Variants in CDKAL1 observed in about 807,000 individuals in gnomAD.
CDKAL1 encodes threonylcarbamoyladenosine tRNA methylthiotransferase.
Under a neutral mutation model 68.2 loss-of-function variants are expected in CDKAL1, and 32 were observed. That is an observed-to-expected ratio of 0.47 (90% CI 0.35 to 0.63). CDKAL1 has a LOEUF of 0.63. Ranked by LOEUF, CDKAL1 falls within the 30% of genes least tolerant of loss-of-function variation. The pLI, the probability that CDKAL1 is intolerant of heterozygous loss-of-function variation, is 0.00. For synonymous variants in CDKAL1, 234 were observed against 244.3 expected, an observed-to-expected ratio of 0.96 and a Z score of 0.39; for missense variants, 606 against 696.7, an observed-to-expected ratio of 0.87 and a Z score of 1.47.
At chr6:21,099,412 A>G (rs972837522) in intron 12 of CDKAL1, among the ~76,000 whole-genome samples, 1 of 152,170 alleles carries the variant, frequency 6.6e-6, no homozygotes, top group African/African-American at 2.4e-5. Flanking sequence ...CATGCCACAA[A>G]TATTCTTGTG....
intron 5 of CDKAL1, among the ~76,000 whole-genome samples, chr6:20,674,550 T>C (rs1460996160): frequency 1.3e-5 from 2 of 152,230 alleles, no homozygotes; most frequent in Admixed American, 6.5e-5. Context: ...ATTAGTTTAT[T>C]CATCACCTCA....
intron 4 of CDKAL1, among the ~76,000 whole-genome samples, chr6:20,596,142 G>A (rs750024344): frequency 6.6e-6 from 1 of 152,204 alleles, no homozygotes; most frequent in African/African-American, 2.4e-5. Flanking sequence ...CGAGGATCAG[G>A]GACCCACTTG....
intron 9 of CDKAL1, among the ~76,000 whole-genome samples, chr6:20,890,390 G>A (rs767026447): frequency 1.2e-4 from 19 of 152,168 alleles, no homozygotes; most frequent in African/African-American, 1.7e-4. Flanking sequence ...ATCAGCACCC[G>A]GATTGGAACA....
Position 20,992,039 on chromosome 6 carries a change from T to TC in CDKAL1, c.910-8188_910-8187insC, listed in dbSNP as rs1442494069. ...ACCTTTTTTTTTCTTTTCTTTTTTT[T>TC]TTTTTTTTTTTTTTGAGATACTCTA... is the stretch of plus-strand genomic sequence containing the variant. On this transcript the variant is annotated intron_variant, in intron 10 of 15. Coordinates refer to ENST00000274695, the MANE Select transcript of CDKAL1 (RefSeq NM_017774.3). 3.6e-5 allele frequency among the ~76,000 whole-genome samples: 5 copies of TC among 138,766 alleles called. 1 individual carries two copies. The Admixed American group carries it at 3.7e-4, about 10-fold the overall frequency. The allele number at this position is 138,766 out of a possible 152,430, so 91.0% of individuals were successfully genotyped here.
At chr6:20,638,364 T>A (rs572565627) in intron 4 of CDKAL1, among the ~76,000 whole-genome samples, 1 of 152,300 alleles carries the variant, frequency 6.6e-6, no homozygotes, top group East Asian at 1.9e-4. Flanking sequence ...TCTCAGTTCA[T>A]ATTTGTTGCC....
At position 20,912,162 on chromosome 6, in the gene CDKAL1, A is replaced by G. The variant is rs1457006782; in HGVS notation, c.743-43257A>G. ...TTTTTGTGTGTTTGTTTTTTTACCA[A>G]TTTTATTATTGTTTCTTTCAAATTC... On this transcript the variant is annotated intron_variant, in intron 9 of 15. Coordinates refer to ENST00000274695, the MANE Select transcript of CDKAL1 (RefSeq NM_017774.3). 2.0e-5 allele frequency among the ~76,000 whole-genome samples: 3 copies of G among 152,050 alleles called. No individual in the cohort carries two copies. In the South Asian group the frequency reaches 6.2e-4, roughly 32 times the overall value.
intron 15 of CDKAL1, among the ~76,000 whole-genome samples, chr6:21,214,274 C>T (rs1226360147): frequency 6.6e-6 from 1 of 151,802 alleles, no homozygotes; most frequent in African/African-American, 2.4e-5. Flanking sequence ...ATAATTAATG[C>T]CACTAAATTG....
intron 11 of CDKAL1, among the ~76,000 whole-genome samples, chr6:21,041,039 G>A (rs1769894590): frequency 6.6e-6 from 1 of 152,088 alleles, no homozygotes; most frequent in African/African-American, 2.4e-5. Context: ...TATAACATTG[G>A]GAACCAGTTC....
At chr6:20,575,271 T>C (rs570736854) in intron 4 of CDKAL1, among the ~76,000 whole-genome samples, 1 of 151,752 alleles carries the variant, frequency 6.6e-6, no homozygotes, top group African/African-American at 2.4e-5. Context: ...AAAAAAGCAG[T>C]TTGTGTTTTG....
At chr6:21,121,444 C>A (rs4438948) in intron 13 of CDKAL1, among the ~76,000 whole-genome samples, 1 of 152,046 alleles carries the variant, frequency 6.6e-6, no homozygotes, top group Non-Finnish European at 1.5e-5. Flanking sequence ...ATTCACATAA[C>A]GCTAAGGAAA....
chr6:20,781,159 C>T lies in CDKAL1; in HGVS notation c.532C>T (p.Leu178=), dbSNP rs763582311. ...TTGATTTGAAGGTCACTCTGTGAGA[C>T]TGCTGGGTCAGAAAAAGGATAATGG... is the stretch of plus-strand genomic sequence containing the variant. The part of the protein sequence containing the change: ...EETIKGHSVR[L]LGQKKDNGRR... The change falls in exon 8 of 16, where the codon CTG becomes TTG. Residue 178 remains leucine, a synonymous_variant. Coordinates refer to ENST00000274695, the MANE Select transcript of CDKAL1 (RefSeq NM_017774.3). 3 of 1,613,848 alleles carry T rather than the reference C, an allele frequency of 1.9e-6. No homozygotes were observed. Among genetic ancestry groups the T allele is most frequent in the South Asian group, 2.2e-5 (2 of 91,006 alleles).
chr6:21,142,114 C>T (rs1775946550), intron 13 of CDKAL1, among the ~76,000 whole-genome samples: 1 of 151,994 alleles, frequency 6.6e-6, no homozygotes, highest in African/African-American at 2.4e-5. Flanking sequence ...TAGGTGTTCC[C>T]AGCAATGACT....
At chr6:21,011,256 C>T (rs901938333) in intron 11 of CDKAL1, among the ~76,000 whole-genome samples, 1 of 150,912 alleles carries the variant, frequency 6.6e-6, no homozygotes, top group African/African-American at 2.4e-5. Context: ...CGGTGGCGGG[C>T]ACCTGTAGTC....
chr6:20,783,897 C>T (rs1227504721), intron 8 of CDKAL1, among the ~76,000 whole-genome samples: 1 of 152,144 alleles, frequency 6.6e-6, no homozygotes, highest in East Asian at 1.9e-4. Context: ...AACATCTATG[C>T]ATACTCAAGT....
intron 2 of CDKAL1, among the ~76,000 whole-genome samples, chr6:20,543,343 G>A (rs1763461290): frequency 6.6e-6 from 1 of 152,130 alleles, no homozygotes; most frequent in Non-Finnish European, 1.5e-5. Flanking sequence ...TTTCACTGTT[G>A]TCTGTTTTAT....
chr6:21,098,770 A>G (rs551391735), intron 12 of CDKAL1, among the ~76,000 whole-genome samples: 1 of 152,212 alleles, frequency 6.6e-6, no homozygotes, highest in Admixed American at 6.5e-5. Flanking sequence ...GCTCTTTGGA[A>G]GGAATTTAAT....
intron 9 of CDKAL1, among the ~76,000 whole-genome samples, chr6:20,896,773 G>A (rs1761711257): frequency 1.3e-5 from 2 of 152,144 alleles, no homozygotes; most frequent in South Asian, 4.1e-4. Flanking sequence ...GGGGTGGAAG[G>A]TAGGAGGGAT....
intron 4 of CDKAL1, among the ~76,000 whole-genome samples, chr6:20,612,267 C>T (rs944738589): frequency 6.6e-6 from 1 of 152,042 alleles, no homozygotes; most frequent in African/African-American, 2.4e-5. Context: ...GGATAAATAC[C>T]CGTTAGTGGG....
At chr6:20,578,865 C>T (rs191289214) in intron 4 of CDKAL1, among the ~76,000 whole-genome samples, 184 of 152,182 alleles carry the variant, frequency 1.2e-3, no homozygotes, top group African/African-American at 3.9e-3. Context: ...TTATGGCAGG[C>T]ATCGATGAGC....
Sources: gnomAD v4.1 joint callset for allele counts (sites outside exome capture counted in the v4.1 genomes callset) on GRCh38, gnomAD v4.1.1 for gene constraint, MANE v1.5 for transcripts, NCBI Gene and HGNC (gene_info 2026-07-23, HGNC 2026-07-21) for gene names.